The following L1TD1 variants were observed in gnomAD, a reference collection of about 807,000 sequenced individuals.
L1TD1 encodes the protein LINE1 type transposase domain containing 1.
A neutral mutation model predicts 25.7 loss-of-function variants in L1TD1; 26 were observed. That is an observed-to-expected ratio of 1.01 (90% CI 0.74 to 1.40). The LOEUF (loss-of-function observed/expected upper bound fraction) is 1.40. Ranked by LOEUF, L1TD1 falls within the 40% of genes most tolerant of loss-of-function variation. L1TD1 has a pLI of 0.00. For synonymous variants in L1TD1, 421 were observed against 335.6 expected, an observed-to-expected ratio of 1.25 and a Z score of -2.78; for missense variants, 1,130 against 975.0, an observed-to-expected ratio of 1.16 and a Z score of -2.12.
chr1:62,210,777 A>G lies in L1TD1; in HGVS notation c.2003A>G (p.Asp668Gly), dbSNP rs781166127. The G allele has an allele frequency of 3.7e-5, 57 of 1,550,132 alleles. 1 individual carries two copies. The South Asian group carries it at 6.7e-4, about 18-fold the overall frequency. The stretch of plus-strand genomic sequence containing the variant: ...GAAGAAAGAATAGACAGTCTAGAAG[A>G]TCAAATTGAAGAATTCTCTAAGGAT... ...ILEERIDSLEDQIEEFSKDTM... is the reference protein window; with the variant it reads ...ILEERIDSLEGQIEEFSKDTM... The change falls in exon 4 of 4, where the codon GAT (aspartate) becomes GGT (glycine). Residue 668 changes from aspartate to glycine, a missense_variant. Transcript: ENST00000498273.
intron 3 of L1TD1, chr1:62,208,546 CTG>C (rs2149101857): frequency 6.8e-6 from 1 of 147,916 alleles, no homozygotes; most frequent in South Asian, 2.1e-4. Flanking sequence ...GTGGCTCAAT[CTG>C]GGCTCACTGC....
intron 2 of L1TD1, among the ~76,000 whole-genome samples, chr1:62,200,807 G>A (rs1670626587): frequency 6.6e-6 from 1 of 151,764 alleles, no homozygotes. Flanking sequence ...TGGTCTCATT[G>A]TTTTTTTATT....
rs112166338 is a variant in L1TD1, at chr1:62,197,399, A to T, written c.-111+871A>T. On this transcript the variant is annotated intron_variant, in intron 2 of 3. Transcript: ENST00000498273. ...GACGCCCTCTCAAAAAAAATAAATT[A>T]TATATATATATATATATATATATAT... Among the ~76,000 whole-genome samples, 25 of 12,688 alleles carry T rather than the reference A, an allele frequency of 2.0e-3. No homozygotes were observed. The East Asian group carries it at 0.051, about 26-fold the overall frequency. 8.3% of individuals were successfully genotyped at this position (12,688 alleles called of 152,430 possible).
chr1:62,198,184 C>T (rs556028394), intron 2 of L1TD1, among the ~76,000 whole-genome samples: 2 of 152,250 alleles, frequency 1.3e-5, no homozygotes, highest in East Asian at 3.9e-4. Flanking sequence ...AAACCAGGCA[C>T]TTTATCTTGG....
chr1:62,205,382 T>TCTCTCC (rs1670717601), intron 2 of L1TD1, among the ~76,000 whole-genome samples: 7 of 72,202 alleles, frequency 9.7e-5, no homozygotes, highest in African/African-American at 3.6e-4. Context: ...TTTCTCTCTC[T>TCTCTCC]CTCTCTTTCT....
intron 2 of L1TD1, among the ~76,000 whole-genome samples, chr1:62,203,971 C>G (rs1670689687): frequency 6.6e-6 from 1 of 152,216 alleles, no homozygotes; most frequent in Middle Eastern, 3.2e-3. Flanking sequence ...GGGGATCCAC[C>G]TGCCTTGGCC....
At chr1:62,207,835 C>T (rs185453162) in intron 3 of L1TD1, among the ~76,000 whole-genome samples, 199 bp downstream of exon 3, 1 of 152,248 alleles carries the variant, frequency 6.6e-6, no homozygotes, top group Admixed American at 6.5e-5. Context: ...GCCTTGGCCT[C>T]CCAAGTAGCT....
chr1:62,201,906 A>G (rs1005659300), intron 2 of L1TD1, among the ~76,000 whole-genome samples: 2 of 152,186 alleles, frequency 1.3e-5, no homozygotes, highest in African/African-American at 2.4e-5. Flanking sequence ...GAAGTCCTGT[A>G]TAGGGTCCTA....
chr1:62,208,527 G>A (rs11207930), intron 3 of L1TD1: 16,541 of 147,374 alleles, frequency 0.11, 1,059 homozygotes, highest in East Asian at 0.21. Flanking sequence ...TTGCCCTGGT[G>A]GGGGTGCAGT....
chr1:62,203,535 C>T (rs1458256232), intron 2 of L1TD1, among the ~76,000 whole-genome samples: 1 of 152,186 alleles, frequency 6.6e-6, no homozygotes, highest in Non-Finnish European at 1.5e-5. Context: ...ATACCTCAGC[C>T]TCCTGAGTAG....
At chr1:62,205,433 A>ATTTTTTTTTTT (rs1161372604) in intron 2 of L1TD1, among the ~76,000 whole-genome samples, 3 of 40,072 alleles carry the variant, frequency 7.5e-5, no homozygotes, top group Non-Finnish European at 1.2e-4. Flanking sequence ...ATATATATAT[A>ATTTTTTTTTTT]TATATATATA....
At position 62,210,374 on chromosome 1, in the gene L1TD1, G is replaced by A. The variant is rs146015306; in HGVS notation, c.1600G>A (p.Glu534Lys). 71 of 1,613,834 alleles carry A rather than the reference G, an allele frequency of 4.4e-5. No homozygotes were observed. In the African/African-American group the frequency reaches 8.7e-4, roughly 20 times the overall value. Residue 534 changes from glutamate to lysine, a missense_variant, in exon 4 of 4, where the codon GAG becomes AAG. Coordinates refer to ENST00000498273, the MANE Select transcript of L1TD1 (RefSeq NM_019079.5). Reference protein sequence around the residue: ...VKHQVVHKTQEEEETAVPTSQ... With the variant: ...VKHQVVHKTQKEEETAVPTSQ... ...ACACCAGGTGGTGCACAAAACCCAGGAGGAAGAGGAAACAGCTGTGCCCAC... is the reference window on the plus strand; with the variant it reads ...ACACCAGGTGGTGCACAAAACCCAGAAGGAAGAGGAAACAGCTGTGCCCAC...
Position 62,210,949 on chromosome 1 carries a change from T to G in L1TD1, c.2175T>G (p.Ile725Met). 1.9e-6 allele frequency: 3 copies of G among 1,545,192 alleles called. No homozygotes were observed. Among genetic ancestry groups the G allele is most frequent in the Non-Finnish European group, 2.6e-6 (3 of 1,145,598 alleles). Residue 725 changes from isoleucine to methionine, a missense_variant, in exon 4 of 4, where the codon ATT becomes ATG. By Grantham distance (10) the Ile-to-Met change is conservative. Coordinates refer to ENST00000498273, the MANE Select transcript of L1TD1 (RefSeq NM_019079.5). ...CAGAGGACATAATTAAAGAAATAAT[T>G]GATGAAAACTTTGCAGAACTAAAGA... ...NRAEDIIKEI[I>M]DENFAELKKG...
chr1:62,197,487 T>G (rs1431904888), intron 2 of L1TD1, among the ~76,000 whole-genome samples: 1 of 149,644 alleles, frequency 6.7e-6, no homozygotes, highest in African/African-American at 2.5e-5. Context: ...GCTCATATAT[T>G]CCAAATTTTT....
At chr1:62,208,019 A>T (rs2457827) in intron 3 of L1TD1, 88,796 of 155,608 alleles carry the variant, frequency 0.57, 25,693 homozygotes, top group Non-Finnish European at 0.6. Context: ...GTTAAATCAA[A>T]TTTTAAAAAA....
rs1221350877 is a variant in L1TD1, at chr1:62,211,369, T to G, written c.2595T>G (p.Pro865=). The change falls in exon 4 of 4, where the codon CCT becomes CCG. Residue 865 remains proline, a synonymous_variant. Coordinates refer to ENST00000498273, the MANE Select transcript of L1TD1 (RefSeq NM_019079.5). ...TLRELLGNNI[P] is the part of the protein sequence containing the mutation. The stretch of plus-strand genomic sequence containing the variant: ...GAGAATTACTGGGGAATAATATACC[T>G]TAGCACGCCAGGGTGACTACAAACA... 3.1e-6 allele frequency: 5 copies of G among 1,591,522 alleles called. No homozygotes were observed. The highest frequency in any genetic ancestry group is 3.4e-6 in the Non-Finnish European group (4 of 1,170,188).
At chr1:62,195,474 C>T (rs1243872843) in intron 1 of L1TD1, among the ~76,000 whole-genome samples, 1 of 152,252 alleles carries the variant, frequency 6.6e-6, no homozygotes, top group African/African-American at 2.4e-5. Flanking sequence ...GATGGAGGGG[C>T]CGGGAGCAGT....
In L1TD1 at chr1:62,210,982, A is replaced by G. The variant is rs573959500; in HGVS notation, c.2208A>G (p.Ser736=). Residue 736 remains serine (S), a synonymous_variant, in exon 4 of 4, where the codon TCA becomes TCG. Coordinates refer to ENST00000498273, the MANE Select transcript of L1TD1 (RefSeq NM_019079.5). ...ACTTTGCAGAACTAAAGAAAGGTTC[A>G]AGTCTTGAGATTGTCAGTGCTTGTC... ...DENFAELKKG[S]SLEIVSACRV... is the part of the protein sequence containing the mutation. 1 of 1,546,178 alleles carries G rather than the reference A, an allele frequency of 6.5e-7. No individual in the cohort carries two copies. Among genetic ancestry groups the G allele is most frequent in the Admixed American group, 2.0e-5 (1 of 49,600 alleles).
At chr1:62,199,997 T>C (rs963939156) in intron 2 of L1TD1, among the ~76,000 whole-genome samples, 13 of 152,192 alleles carry the variant, frequency 8.5e-5, no homozygotes, top group African/African-American at 2.7e-4. Flanking sequence ...GATTGTACTC[T>C]ATATTTTCTG....
Sources: gnomAD v4.1 joint callset for allele counts (sites outside exome capture counted in the v4.1 genomes callset) on GRCh38, gnomAD v4.1.1 for gene constraint, MANE v1.5 for transcripts, NCBI Gene and HGNC (gene_info 2026-07-23, HGNC 2026-07-21) for gene names.